The following PTPRD variants were observed in gnomAD, a reference collection of about 807,000 sequenced individuals.
PTPRD encodes the protein protein tyrosine phosphatase receptor type D.
A neutral mutation model predicts 214.5 loss-of-function variants in PTPRD; 34 were observed. That is an observed-to-expected ratio of 0.16 (90% confidence interval 0.12 to 0.21). PTPRD has a LOEUF of 0.21. Ranked by LOEUF, PTPRD falls within the 10% of genes least tolerant of loss-of-function variation. The pLI is 1.00. For missense variants in PTPRD, 2,545 were observed against 2,398.7 expected (o/e 1.06, Z -1.27); for synonymous variants, 1,128 against 845.7 (o/e 1.33, Z -5.79).
chr9:9,515,992 G>T (rs10977831), intron 8 of PTPRD, among the ~76,000 whole-genome samples: 1 of 152,196 alleles, frequency 6.6e-6, no homozygotes, highest in East Asian at 1.9e-4. Context: ...TGTGAATGCT[G>T]CAATTGGAAC....
chr9:9,127,953 C>T (rs933072233), intron 10 of PTPRD, among the ~76,000 whole-genome samples: 25 of 152,186 alleles, frequency 1.6e-4, no homozygotes, highest in African/African-American at 6.0e-4. Flanking sequence ...AGCTCTCTGT[C>T]CTCCTACTTC....
At chr9:8,681,798 C>T (rs559638918) in intron 12 of PTPRD, among the ~76,000 whole-genome samples, 1 of 152,280 alleles carries the variant, frequency 6.6e-6, no homozygotes, top group Admixed American at 6.5e-5. Flanking sequence ...TAGCAAACTA[C>T]TTAATATAAA....
At chr9:8,713,192 T>C in intron 12 of PTPRD, 1 of 567,364 alleles carries the variant, frequency 1.8e-6, no homozygotes, top group East Asian at 2.9e-5. Context: ...AATTTCAGGG[T>C]CAAACATTTG....
At chr9:9,054,654 T>C (rs2099692939) in intron 10 of PTPRD, among the ~76,000 whole-genome samples, 1 of 152,186 alleles carries the variant, frequency 6.6e-6, no homozygotes. Flanking sequence ...AAACCTGTTT[T>C]GAGCTTGGAA....
chr9:8,360,600 A>G (rs1393877586), intron 39 of PTPRD, among the ~76,000 whole-genome samples: 2 of 152,204 alleles, frequency 1.3e-5, no homozygotes, highest in Non-Finnish European at 2.9e-5. Context: ...ACCATACTCT[A>G]TAACCCACAG....
At chr9:10,148,052 T>C (rs991997556) in intron 3 of PTPRD, among the ~76,000 whole-genome samples, 2 of 152,154 alleles carry the variant, frequency 1.3e-5, no homozygotes, top group Non-Finnish European at 2.9e-5. Flanking sequence ...ACTTTCTAAA[T>C]CCAGAGATTT....
intron 35 of PTPRD, among the ~76,000 whole-genome samples, chr9:8,428,352 T>A (rs1002176115): frequency 2.0e-5 from 3 of 152,234 alleles, no homozygotes; most frequent in African/African-American, 7.2e-5. Flanking sequence ...TTCATCTTCC[T>A]CAATTTCATC....
At chr9:9,069,772 G>T (rs780514901) in intron 10 of PTPRD, among the ~76,000 whole-genome samples, 1 of 152,104 alleles carries the variant, frequency 6.6e-6, no homozygotes, top group Non-Finnish European at 1.5e-5. Flanking sequence ...ATTTAATATG[G>T]AAACCTCAGG....
intron 11 of PTPRD, among the ~76,000 whole-genome samples, chr9:8,739,366 G>C (rs950827510): frequency 2.0e-5 from 3 of 152,226 alleles, no homozygotes; most frequent in Non-Finnish European, 4.4e-5. Flanking sequence ...AGTACTGACA[G>C]ATATAACTTT....
At position 9,916,516 on chromosome 9, in the gene PTPRD, C is replaced by CCT. The variant is rs769335427; in HGVS notation, c.-368+21989_-368+21990dup. On this transcript the variant is annotated intron_variant, in intron 5 of 45. Transcript: ENST00000381196. ...AATTGGTTGAATAGATTTTTAAAAT[C>CCT]CTCTCTCTATATATATATATACATG... 9.2e-4 allele frequency among the ~76,000 whole-genome samples: 139 copies of CCT among 151,086 alleles called. 1 individual carries two copies. Among genetic ancestry groups the CCT allele is most frequent in the East Asian group, 8.5e-3 (44 of 5,152 alleles).
intron 13 of PTPRD, among the ~76,000 whole-genome samples, chr9:8,636,019 A>G (rs956597074): frequency 1.3e-5 from 2 of 152,170 alleles, no homozygotes; most frequent in Non-Finnish European, 2.9e-5. Context: ...TTTCTCTGCA[A>G]TATCAACCTG....
In PTPRD at chr9:9,942,608, G is replaced by A. The variant is rs539904186; in HGVS notation, c.-471-3998C>T. Reference sequence around the variant, plus strand: ...AATCAAACTAATTTGTGCTTCTACCGACAATCTACAAGATTGCTTGGGTGG... The same window carrying A: ...AATCAAACTAATTTGTGCTTCTACCAACAATCTACAAGATTGCTTGGGTGG... On this transcript the variant is annotated intron_variant, in intron 4 of 45. Coordinates refer to ENST00000381196, the MANE Select transcript of PTPRD (RefSeq NM_002839.4). Among the ~76,000 whole-genome samples the A allele has an allele frequency of 2.2e-4, 33 of 152,094 alleles. 1 individual carries two copies. In the East Asian group the frequency reaches 5.4e-3, roughly 25 times the overall value.
chr9:8,773,148 G>A (rs916145246), intron 11 of PTPRD, among the ~76,000 whole-genome samples: 1 of 152,104 alleles, frequency 6.6e-6, no homozygotes, highest in Non-Finnish European at 1.5e-5. Flanking sequence ...GTTTCCTTTA[G>A]TCTTTTTGAG....
chr9:8,857,442 A>C (rs954060193), intron 11 of PTPRD, among the ~76,000 whole-genome samples: 3 of 152,136 alleles, frequency 2.0e-5, no homozygotes, highest in African/African-American at 7.2e-5. Flanking sequence ...TGAACCCAGC[A>C]GGAGAGGACC....
At chr9:8,353,105 G>A (rs146538425) in intron 39 of PTPRD, among the ~76,000 whole-genome samples, 17,227 of 152,008 alleles carry the variant, frequency 0.11, 1,530 homozygotes, top group African/African-American at 0.25. Flanking sequence ...ACAAGACTCC[G>A]TCTCAAAAAA....
intron 2 of PTPRD, among the ~76,000 whole-genome samples, chr9:10,360,353 T>C (rs939717515): frequency 1.3e-5 from 2 of 152,254 alleles, no homozygotes; most frequent in Non-Finnish European, 2.9e-5. Flanking sequence ...TAGTTTTATA[T>C]GCTGCTCCAT....
chr9:8,513,675 A>C (rs937219894), intron 21 of PTPRD, among the ~76,000 whole-genome samples: 4 of 152,070 alleles, frequency 2.6e-5, no homozygotes, highest in African/African-American at 9.6e-5. Flanking sequence ...TCGTCCTAGC[A>C]ATCATCCTAA....
intron 3 of PTPRD, among the ~76,000 whole-genome samples, chr9:10,056,417 A>G (rs1298233399): frequency 6.6e-6 from 1 of 151,882 alleles, no homozygotes; most frequent in African/African-American, 2.4e-5. Context: ...CCACAGGAGG[A>G]TAACCTCTTT....
At chr9:8,845,241 C>T (rs2097666564) in intron 11 of PTPRD, among the ~76,000 whole-genome samples, 1 of 151,966 alleles carries the variant, frequency 6.6e-6, no homozygotes, top group Admixed American at 6.6e-5. Context: ...GTTAACACCA[C>T]TTATACTTTT....
Sources: gnomAD v4.1 joint callset for allele counts (sites outside exome capture counted in the v4.1 genomes callset) on GRCh38, gnomAD v4.1.1 for gene constraint, MANE v1.5 for transcripts, NCBI Gene and HGNC (gene_info 2026-07-23, HGNC 2026-07-21) for gene names.